Variants in PRELID2 observed in about 807,000 individuals in gnomAD.
The protein encoded by PRELID2 is PRELI domain-containing protein 2.
A neutral mutation model predicts 28.4 loss-of-function variants in PRELID2; 25 were observed. That is an observed-to-expected ratio of 0.88 (90% CI 0.64 to 1.23). PRELID2 has a LOEUF of 1.23. Among genes scored for constraint, PRELID2 ranks in the 50% most tolerant of loss-of-function variants. The pLI is 0.00. For synonymous variants in PRELID2, 76 were observed against 71.6 expected, an observed-to-expected ratio of 1.06 and a Z score of -0.31; for missense variants, 201 against 214.4, an observed-to-expected ratio of 0.94 and a Z score of 0.39.
the PRELID2 span, among the ~76,000 whole-genome samples, chr5:145,291,866 A>G: frequency 3.9e-5 from 6 of 152,170 alleles, no homozygotes; most frequent in Non-Finnish European, 7.3e-5. Flanking sequence ...TTCCAACATC[A>G]TTTACTGAAA....
intron 1 of PRELID2, among the ~76,000 whole-genome samples, chr5:145,534,902 G>T (rs1752686565): frequency 6.6e-6 from 1 of 151,886 alleles, no homozygotes; most frequent in Admixed American, 6.6e-5. Context: ...TCTCCCTATA[G>T]CAAATGTCAT....
chr5:145,799,279 C>T (rs1752974976), intron 4 of PRELID2, among the ~76,000 whole-genome samples: 1 of 149,920 alleles, frequency 6.7e-6, no homozygotes, highest in South Asian at 2.1e-4. Context: ...GCAAAACTAT[C>T]CTTCAAAAAT....
At chr5:145,408,347 G>A in the PRELID2 span, among the ~76,000 whole-genome samples, 2 of 149,320 alleles carry the variant, frequency 1.3e-5, no homozygotes, top group South Asian at 4.2e-4. Context: ...TGATGATTAA[G>A]CTACTCAAGG....
chr5:145,586,435 G>A (rs1753155892), intron 1 of PRELID2, among the ~76,000 whole-genome samples: 1 of 152,032 alleles, frequency 6.6e-6, no homozygotes, highest in African/African-American at 2.4e-5. Flanking sequence ...CTGAGATCAG[G>A]AGTTCACAAC....
downstream of PRELID2, among the ~76,000 whole-genome samples, chr5:145,468,188 T>A (rs1752020618): frequency 6.6e-6 from 1 of 152,158 alleles, no homozygotes; most frequent in African/African-American, 2.4e-5. Context: ...GTCCTGGCGA[T>A]AGTTTGCTGA....
At chr5:145,636,762 T>C (rs1472290743) in intron 1 of PRELID2, among the ~76,000 whole-genome samples, 3 of 152,178 alleles carry the variant, frequency 2.0e-5, no homozygotes. Context: ...TGGGATTTCT[T>C]TTGGGGGCAT....
the PRELID2 span, among the ~76,000 whole-genome samples, chr5:145,345,681 T>A: frequency 6.6e-6 from 1 of 152,054 alleles, no homozygotes; most frequent in African/African-American, 2.4e-5. Flanking sequence ...AGTGAAGTGC[T>A]TTGAAGGAAA....
chr5:145,398,018 G>C, the PRELID2 span, among the ~76,000 whole-genome samples: 6 of 152,126 alleles, frequency 3.9e-5, no homozygotes, highest in Non-Finnish European at 7.4e-5. Flanking sequence ...GCTAGAGTTT[G>C]AAATGAACTT....
At chr5:145,558,179 C>T (rs941220154) in intron 1 of PRELID2, among the ~76,000 whole-genome samples, 6 of 152,128 alleles carry the variant, frequency 3.9e-5, no homozygotes, top group African/African-American at 1.4e-4. Flanking sequence ...CTATTAAAAC[C>T]TGGCTCATAA....
chr5:145,455,113 T>C, the PRELID2 span, among the ~76,000 whole-genome samples: 1 of 152,202 alleles, frequency 6.6e-6, no homozygotes, highest in Non-Finnish European at 1.5e-5. Flanking sequence ...TGGTTTTAGG[T>C]CTTATGTTTA....
the PRELID2 span, among the ~76,000 whole-genome samples, chr5:145,345,586 A>G: frequency 2.0e-4 from 31 of 151,844 alleles, 1 homozygote; most frequent in East Asian, 4.5e-3. Flanking sequence ...AAAATAAAAC[A>G]CTCTATAGCT....
chr5:145,490,601 C>T (rs13176130), intron 1 of PRELID2, among the ~76,000 whole-genome samples: 31,036 of 152,024 alleles, frequency 0.2, 3,661 homozygotes, highest in South Asian at 0.36. Context: ...TAAAGGGAAA[C>T]ATAAACAGTA....
chr5:145,356,001 A>G, the PRELID2 span, among the ~76,000 whole-genome samples: 2 of 152,152 alleles, frequency 1.3e-5, no homozygotes, highest in Admixed American at 6.5e-5. Context: ...AGTAATTTCT[A>G]TGGAATAAGA....
the PRELID2 span, among the ~76,000 whole-genome samples, chr5:145,279,945 T>A: frequency 6.6e-6 from 1 of 152,110 alleles, no homozygotes; most frequent in East Asian, 1.9e-4. Context: ...CAGAACAGAA[T>A]AATAGTTGCT....
At chr5:145,488,983 G>A (rs1752245329) in intron 1 of PRELID2, among the ~76,000 whole-genome samples, 1 of 151,938 alleles carries the variant, frequency 6.6e-6, no homozygotes, top group African/African-American at 2.4e-5. Context: ...GTGACCCAGG[G>A]GCGACTAGTT....
chr5:145,701,626 CA>C (rs1755408934), intron 1 of PRELID2, among the ~76,000 whole-genome samples: 1 of 152,154 alleles, frequency 6.6e-6, no homozygotes, highest in Non-Finnish European at 1.5e-5. Context: ...ACTATGCCAT[CA>C]ACAAATCACA....
chr5:145,562,178 G>A (rs950982504), intron 1 of PRELID2, among the ~76,000 whole-genome samples: 8 of 152,174 alleles, frequency 5.3e-5, no homozygotes, highest in African/African-American at 1.9e-4. Context: ...AATCAGAAAG[G>A]CTGACTAGCA....
chr5:145,303,387 A>G, the PRELID2 span, among the ~76,000 whole-genome samples: 43 of 152,214 alleles, frequency 2.8e-4, no homozygotes, highest in Admixed American at 2.8e-3. Flanking sequence ...GTTCTACTTC[A>G]GACTGTCACC....
chr5:145,680,391 C>T (rs528258340), intron 1 of PRELID2, among the ~76,000 whole-genome samples: 54 of 152,316 alleles, frequency 3.5e-4, no homozygotes, highest in African/African-American at 1.3e-3. Context: ...AAGGGCCTTT[C>T]TCTACTACCT....
Sources: gnomAD v4.1 joint callset for allele counts (sites outside exome capture counted in the v4.1 genomes callset) on GRCh38, gnomAD v4.1.1 for gene constraint, MANE v1.5 for transcripts, NCBI Gene and HGNC (gene_info 2026-07-23, HGNC 2026-07-21) for gene names.